Variants in LRIG3 observed in about 807,000 individuals in gnomAD.
The protein encoded by LRIG3 is leucine rich repeats and immunoglobulin like domains 3.
In LRIG3, 76 loss-of-function variants were observed where a neutral mutation model predicts 114.5. That is an observed-to-expected ratio of 0.66 (90% CI 0.55 to 0.80). The LOEUF (loss-of-function observed/expected upper bound fraction) is 0.80. Among genes scored for constraint, LRIG3 ranks in the 30% least tolerant of loss-of-function variants. The pLI is 0.00. For synonymous variants in LRIG3, 512 were observed against 519.8 expected, an observed-to-expected ratio of 0.98 and a Z score of 0.20; for missense variants, 1,239 against 1,382.8, an observed-to-expected ratio of 0.90 and a Z score of 1.65.
intron 14 of LRIG3, 87 bp downstream of exon 14, chr12:58,878,737 C>G (rs1871014147): frequency 6.9e-7 from 1 of 1,457,190 alleles, no homozygotes; most frequent in Non-Finnish European, 9.3e-7. Flanking sequence ...ATCTCTTACT[C>G]TCACAACTTC....
At chr12:58,873,423 T>C (rs1306707316) in intron 18 of LRIG3, 1 of 153,052 alleles carries the variant, frequency 6.5e-6, no homozygotes, top group Admixed American at 6.5e-5. Context: ...ATTGTCAACA[T>C]GGCAAGTTGT....
At chr12:58,919,537 C>T in intron 1 of LRIG3, 2 of 1,550,552 alleles carry the variant, frequency 1.3e-6, no homozygotes, top group South Asian at 1.2e-5. Flanking sequence ...AAAAGCCTGA[C>T]TTCAGTTACT....
chr12:58,878,800 C>G, intron 14 of LRIG3, 24 bp downstream of exon 14: 1 of 1,601,604 alleles, frequency 6.2e-7, no homozygotes, highest in South Asian at 1.1e-5. Context: ...ATTTATACTA[C>G]AGAATCTTAA....
At chr12:58,887,709 A>C in intron 8 of LRIG3, 80 bp downstream of exon 8, 1 of 1,496,494 alleles carries the variant, frequency 6.7e-7, no homozygotes, top group Non-Finnish European at 9.1e-7. Flanking sequence ...CTTGACAACA[A>C]AGGAAATCTG....
chr12:58,872,887 A>G (rs1019806949), intron 18 of LRIG3, 71 bp from the exon 19 acceptor site: 2 of 1,541,646 alleles, frequency 1.3e-6, no homozygotes, highest in Non-Finnish European at 1.7e-6. Context: ...CCCATTGCAA[A>G]TGAAGGAACA....
chr12:58,900,459 G>A (rs1038775398), intron 3 of LRIG3, among the ~76,000 whole-genome samples: 1 of 151,952 alleles, frequency 6.6e-6, no homozygotes, highest in Non-Finnish European at 1.5e-5. Context: ...TTATTTTAAA[G>A]GGATTTTAGG....
Position 58,886,891 on chromosome 12 carries a change from C to G in LRIG3, c.1092-1G>C, listed in dbSNP as rs963946648. On this transcript the variant is annotated splice_acceptor_variant, in intron 8 of 18. Transcript: ENST00000320743. LOFTEE classifies it high-confidence loss of function. ...GGAAATTTCATTGTTCTTCAGATCC[C>G]TAATTTTAAAAGAAGCATTCCCTTT... 1 of 1,611,696 alleles carries G rather than the reference C, an allele frequency of 6.2e-7. No homozygotes were observed. Among genetic ancestry groups the G allele is most frequent in the Non-Finnish European group, 8.5e-7 (1 of 1,178,182 alleles).
chr12:58,914,203 T>C (rs887833719), intron 2 of LRIG3, 62 bp downstream of exon 2: 36 of 1,533,246 alleles, frequency 2.3e-5, no homozygotes, highest in Non-Finnish European at 3.1e-5. Context: ...TCCTTACGGT[T>C]AAATAGTATA....
chr12:58,889,266 G>A (rs1377526554), intron 5 of LRIG3, among the ~76,000 whole-genome samples: 2 of 152,192 alleles, frequency 1.3e-5, no homozygotes, highest in Non-Finnish European at 2.9e-5. Flanking sequence ...AAACAATCCA[G>A]AATGAGATTA....
intron 13 of LRIG3, chr12:58,880,250 T>C: frequency 2.6e-6 from 1 of 379,744 alleles, no homozygotes; most frequent in South Asian, 2.1e-5. Flanking sequence ...GAGCCAAGAT[T>C]GCAACCAGGA....
At chr12:58,883,869 T>C (rs11836074) in intron 10 of LRIG3, among the ~76,000 whole-genome samples, 41 of 152,366 alleles carry the variant, frequency 2.7e-4, no homozygotes, top group African/African-American at 9.6e-4. Context: ...GCTGTTCTAT[T>C]ATTTCATTCT....
At position 58,889,995 on chromosome 12, in the gene LRIG3, C is replaced by T; in HGVS notation, c.659+1G>A. 2 of 1,613,158 alleles carry T rather than the reference C, an allele frequency of 1.2e-6. No individual in the cohort carries two copies. The highest frequency in any genetic ancestry group is 1.7e-6 in the Non-Finnish European group (2 of 1,179,488). On this transcript the variant is annotated splice_donor_variant, in intron 5 of 18. Transcript: ENST00000320743. LOFTEE classifies it high-confidence loss of function. ...AGTATCTAAGAGGACATTTTACTTA[C>T]AGATGTTGCAGTTGGGGCAGTTTAA... is the stretch of plus-strand genomic sequence containing the variant.
chr12:58,907,600 G>T (rs1204806700), intron 3 of LRIG3, among the ~76,000 whole-genome samples: 1 of 152,204 alleles, frequency 6.6e-6, no homozygotes, highest in Non-Finnish European at 1.5e-5. Context: ...ACTCTTTCAT[G>T]TACATTATGC....
intron 13 of LRIG3, chr12:58,880,380 C>T (rs927281591): frequency 3.7e-5 from 26 of 698,164 alleles, no homozygotes; most frequent in African/African-American, 7.1e-5. Flanking sequence ...ACACTGAGTA[C>T]GGTGTCGTCT....
chr12:58,892,501 C>A (rs1232740797), intron 3 of LRIG3, among the ~76,000 whole-genome samples: 2 of 152,206 alleles, frequency 1.3e-5, no homozygotes, highest in African/African-American at 4.8e-5. Context: ...CTCTCACTAT[C>A]ACAGTAGGTT....
At chr12:58,914,377 A>G (rs748555351) in intron 1 of LRIG3, 41 bp from the exon 2 acceptor site, 1 of 1,472,880 alleles carries the variant, frequency 6.8e-7, no homozygotes, top group South Asian at 1.1e-5. Context: ...CATTTCTAAA[A>G]ATCACTAATA....
In LRIG3 at chr12:58,920,311, C is replaced by G; in HGVS notation, c.-76G>C. ...TCGGGGCCCGGCACAAACTTCCAGC[C>G]GAGGGTGCACGCCCGCCCTCGCGGT... On this transcript the variant is annotated 5_prime_UTR_variant, in exon 1 of 19. Transcript: ENST00000320743. 4 of 1,126,052 alleles carry G rather than the reference C, an allele frequency of 3.6e-6. No individual in the cohort carries two copies. The highest frequency in any genetic ancestry group is 4.6e-6 in the Non-Finnish European group (4 of 868,354). 69.8% of individuals were successfully genotyped at this position (1,126,052 alleles called of 1,614,324 possible). A position where few individuals can be genotyped will look rare whatever the true frequency, so the allele number is the denominator to read the frequency against.
rs111986525 is a variant in LRIG3, at chr12:58,880,673, T to A, written c.1709A>T (p.Glu570Val). The A allele has an allele frequency of 2.5e-6, 4 of 1,614,218 alleles. No individual in the cohort carries two copies. The highest frequency in any genetic ancestry group is 3.4e-6 in the Non-Finnish European group (4 of 1,180,038). ...TTTCCCCTCACTGGCAAATTCCACC[T>A]CGCGCAGCCGAAGGATGGTGGTATA... Reference protein sequence around the residue: ...MEYTTILRLREVEFASEGKYQ... With the variant: ...MEYTTILRLRVVEFASEGKYQ... Residue 570 changes from glutamate to valine, a missense_variant, in exon 13 of 19, where the codon GAG becomes GTG. Physicochemically the swap from Glu to Val is moderately radical, Grantham distance 121 (BLOSUM62 -2). Transcript: ENST00000320743.
chr12:58,907,340 T>C (rs1448574279), intron 3 of LRIG3, among the ~76,000 whole-genome samples: 2 of 152,242 alleles, frequency 1.3e-5, no homozygotes, highest in Non-Finnish European at 1.5e-5. Flanking sequence ...TTGTTGTTAT[T>C]TATAATTGAG....
Sources: gnomAD v4.1 joint callset for allele counts (sites outside exome capture counted in the v4.1 genomes callset) on GRCh38, gnomAD v4.1.1 for gene constraint, MANE v1.5 for transcripts, NCBI Gene and HGNC (gene_info 2026-07-23, HGNC 2026-07-21) for gene names.